HS6ST2: variants seen among roughly 807,000 people sequenced by gnomAD.
HS6ST2 encodes heparan sulfate 6-O-sulfotransferase 2.
In HS6ST2, 17 loss-of-function variants were observed where a neutral mutation model predicts 33.0. The ratio of observed to expected loss-of-function variants is 0.52; its 90% CI spans 0.35 to 0.77. HS6ST2 has a LOEUF of 0.77. HS6ST2 is among the 30% of genes least tolerant of loss of function. The probability of loss-of-function intolerance (pLI) is 0.01; values close to 1 mark genes in which losing one functional copy is unlikely to be tolerated. For missense variants in HS6ST2, 519 were observed against 551.7 expected, an observed-to-expected ratio of 0.94 and a Z score of 0.59; for synonymous variants, 248 against 237.1, an observed-to-expected ratio of 1.05 and a Z score of -0.42.
At chrX:132,827,724 G>C (rs2065537222) in intron 2 of HS6ST2, among the ~76,000 whole-genome samples, 1 of 110,422 alleles carries the variant, frequency 9.1e-6, no homozygotes. Context: ...TTTCATGTTG[G>C]GCTTACACCT....
chrX:132,794,568 GATGATGATT>G (rs2065155198), intron 2 of HS6ST2, among the ~76,000 whole-genome samples: 2 of 98,042 alleles, frequency 2.0e-5, no homozygotes, highest in South Asian at 1.0e-3. Flanking sequence ...TGATGATGAT[GATGATGATT>G]ATTATTATTA....
At chrX:132,826,926 A>T (rs1210061249) in intron 2 of HS6ST2, among the ~76,000 whole-genome samples, 3 of 111,255 alleles carry the variant, frequency 2.7e-5, no homozygotes, top group Admixed American at 9.6e-5. Context: ...TGGTCAGGCC[A>T]TCTCCTTCCA....
At chrX:132,957,468 G>T in intron 1 of HS6ST2, 142 bp from the exon 2 acceptor site, 1 of 671,548 alleles carries the variant, frequency 1.5e-6, no homozygotes, top group Non-Finnish European at 2.2e-6. Context: ...GGCGGCGGCG[G>T]CTGCGGCGGC....
At chrX:132,854,865 T>C (rs1004845861) in intron 2 of HS6ST2, among the ~76,000 whole-genome samples, 6 of 112,124 alleles carry the variant, frequency 5.4e-5, no homozygotes, top group African/African-American at 1.9e-4. Flanking sequence ...GAATTTCAAA[T>C]CATTCAACCT....
intron 3 of HS6ST2, among the ~76,000 whole-genome samples, chrX:132,670,882 G>A (rs1202424665): frequency 8.9e-6 from 1 of 112,548 alleles, no homozygotes; most frequent in Non-Finnish European, 1.9e-5. Context: ...AGATACCCAT[G>A]TGAGCTCTGG....
intron 3 of HS6ST2, among the ~76,000 whole-genome samples, chrX:132,672,156 A>C (rs759156500): frequency 9.0e-6 from 1 of 111,378 alleles, no homozygotes; most frequent in African/African-American, 3.3e-5. Flanking sequence ...CTGTCTGGGA[A>C]CTTCAAAGAT....
chrX:132,631,461 C>T (rs1256963780), intron 4 of HS6ST2, among the ~76,000 whole-genome samples: 1 of 110,734 alleles, frequency 9.0e-6, no homozygotes, highest in Non-Finnish European at 1.9e-5. Context: ...TCTCCAGTAG[C>T]CTTTACCAAC....
intron 2 of HS6ST2, among the ~76,000 whole-genome samples, chrX:132,783,494 C>T (rs959057084): frequency 1.8e-5 from 2 of 111,426 alleles, no homozygotes; most frequent in South Asian, 3.8e-4. Flanking sequence ...TTAAGTCATT[C>T]GCCACCATCT....
At chrX:132,827,675 C>A (rs1017414984) in intron 2 of HS6ST2, among the ~76,000 whole-genome samples, 4 of 111,065 alleles carry the variant, frequency 3.6e-5, no homozygotes, top group African/African-American at 1.3e-4. Context: ...TAACGTTGTT[C>A]CTAGCCTCCA....
Position 132,958,331 on chromosome X carries a change from G to T in HS6ST2, c.272C>A (p.Ser91Tyr). The part of the protein sequence containing the change: ...AACAPLFALL[S>Y]RGRRRRMHVL... ...GTGCATCCGCCTGCGGCGGCCCCGG[G>T]ACAGCAGCGCGAAAAGCGGGGCGCA... Residue 91 changes from serine to tyrosine, a missense_variant, in exon 1 of 5, where the codon TCC (serine) becomes TAC (tyrosine). By Grantham distance (144) the Ser-to-Tyr change is moderately radical. Coordinates refer to ENST00000370833, the MANE Select transcript of HS6ST2 (RefSeq NM_001394073.1). 1 of 1,198,227 alleles carries T rather than the reference G, an allele frequency of 8.3e-7. No homozygotes were observed. Among genetic ancestry groups the T allele is most frequent in the Non-Finnish European group, 1.1e-6 (1 of 893,602 alleles).
At chrX:132,824,274 GTC>G (rs1455378559) in intron 2 of HS6ST2, among the ~76,000 whole-genome samples, 1 of 112,084 alleles carries the variant, frequency 8.9e-6, no homozygotes, top group Non-Finnish European at 1.9e-5. Context: ...GGCAGGGACT[GTC>G]TTCTGCCTCT....
At chrX:132,915,195 T>G (rs761154410) in intron 2 of HS6ST2, among the ~76,000 whole-genome samples, 1 of 111,948 alleles carries the variant, frequency 8.9e-6, no homozygotes, top group Non-Finnish European at 1.9e-5. Flanking sequence ...TGTTAAACCT[T>G]AACTGTCTCT....
chrX:132,717,489 G>A (rs2064286160), intron 2 of HS6ST2, among the ~76,000 whole-genome samples: 1 of 112,744 alleles, frequency 8.9e-6, no homozygotes. Context: ...CGGTTTTGAT[G>A]AAAGATATGA....
chrX:132,773,365 C>T (rs982252682), intron 2 of HS6ST2, among the ~76,000 whole-genome samples: 1 of 108,748 alleles, frequency 9.2e-6, no homozygotes, highest in Non-Finnish European at 1.9e-5. Flanking sequence ...AACCCTCATG[C>T]ACTACTGGTA....
At chrX:132,945,524 T>C (rs2066942394) in intron 2 of HS6ST2, among the ~76,000 whole-genome samples, 1 of 111,097 alleles carries the variant, frequency 9.0e-6, no homozygotes, top group African/African-American at 3.3e-5. Context: ...CAAAGGATTA[T>C]AAATCATGCT....
chrX:132,942,879 G>A (rs1437629812), intron 2 of HS6ST2, among the ~76,000 whole-genome samples: 1 of 111,882 alleles, frequency 8.9e-6, no homozygotes, highest in Non-Finnish European at 1.9e-5. Flanking sequence ...ATTTTGCATA[G>A]TGTATGTACC....
intron 2 of HS6ST2, among the ~76,000 whole-genome samples, chrX:132,904,738 G>A (rs1380843691): frequency 9.5e-6 from 1 of 105,131 alleles, no homozygotes; most frequent in Admixed American, 1.0e-4. Context: ...ATGTGGCCCA[G>A]GCTGGTCTCA....
At chrX:132,937,526 C>A (rs1378364555) in intron 2 of HS6ST2, among the ~76,000 whole-genome samples, 2 of 110,957 alleles carry the variant, frequency 1.8e-5, no homozygotes, top group Admixed American at 9.6e-5. Flanking sequence ...GAGTAGAGAA[C>A]CCAGAAAAAA....
chrX:132,806,615 A>G (rs1156941497), intron 2 of HS6ST2, among the ~76,000 whole-genome samples: 1 of 110,573 alleles, frequency 9.0e-6, no homozygotes, highest in African/African-American at 3.2e-5. Flanking sequence ...AAAAGCAGCC[A>G]TAGACAATAT....
Sources: gnomAD v4.1 joint callset for allele counts (sites outside exome capture counted in the v4.1 genomes callset) on GRCh38, gnomAD v4.1.1 for gene constraint, MANE v1.5 for transcripts, NCBI Gene and HGNC (gene_info 2026-07-23, HGNC 2026-07-21) for gene names.